RABGAP1L: variants seen among roughly 807,000 people sequenced by gnomAD.
The protein encoded by RABGAP1L is rab GTPase-activating protein 1-like.
RABGAP1L carries 63 observed loss-of-function variants against 137.7 expected under a neutral mutation model. The observed-to-expected ratio is 0.46, with a 90% CI of 0.37 to 0.56. The LOEUF is 0.56. Ranked by LOEUF, RABGAP1L falls within the 20% of genes least tolerant of loss-of-function variation. RABGAP1L has a pLI of 0.00. For missense variants in RABGAP1L, 1,095 were observed against 1,244.0 expected (o/e 0.88, Z 1.80); for synonymous variants, 431 against 433.7 (o/e 0.99, Z 0.08).
At chr1:174,331,674 TTTTTA>T (rs1280461100) in intron 11 of RABGAP1L, among the ~76,000 whole-genome samples, 2 of 152,200 alleles carry the variant, frequency 1.3e-5, no homozygotes, top group Non-Finnish European at 2.9e-5. Context: ...CTTTTTTTTC[TTTTTA>T]TTTTATTATT....
At chr1:174,239,814 T>G (rs1182281977) in intron 4 of RABGAP1L, among the ~76,000 whole-genome samples, 3 of 152,238 alleles carry the variant, frequency 2.0e-5, no homozygotes, top group African/African-American at 4.8e-5. Flanking sequence ...GCCTGGAATA[T>G]TCTCTGAAAG....
chr1:174,917,682 C>T (rs1323907320), intron 19 of RABGAP1L, among the ~76,000 whole-genome samples: 1 of 152,138 alleles, frequency 6.6e-6, no homozygotes, highest in Non-Finnish European at 1.5e-5. Context: ...CCTGTAACCC[C>T]AGCACTTTGG....
intron 11 of RABGAP1L, among the ~76,000 whole-genome samples, chr1:174,320,028 T>C (rs1163324154): frequency 2.0e-5 from 3 of 152,164 alleles, no homozygotes; most frequent in African/African-American, 7.2e-5. Context: ...GACATTTGAC[T>C]GATTTTTGTC....
intron 11 of RABGAP1L, among the ~76,000 whole-genome samples, chr1:174,350,240 C>G (rs1253268028): frequency 3.0e-3 from 380 of 128,140 alleles, no homozygotes; most frequent in South Asian, 7.3e-3. Flanking sequence ...CGGAGACGCT[C>G]CTCACTTCCC....
At chr1:174,772,384 C>T (rs1045726699) in intron 18 of RABGAP1L, among the ~76,000 whole-genome samples, 2 of 151,774 alleles carry the variant, frequency 1.3e-5, no homozygotes, top group Admixed American at 6.6e-5. Context: ...TCGAGATCAC[C>T]CTGGCCAACA....
chr1:174,835,163 G>T (rs1438324980), intron 19 of RABGAP1L, among the ~76,000 whole-genome samples: 1 of 152,172 alleles, frequency 6.6e-6, no homozygotes, highest in Non-Finnish European at 1.5e-5. Context: ...CTAAGCACCT[G>T]ACTTGAAAAA....
At chr1:174,195,828 T>G (rs1465905734) in intron 1 of RABGAP1L, among the ~76,000 whole-genome samples, 1 of 137,132 alleles carries the variant, frequency 7.3e-6, no homozygotes, top group Non-Finnish European at 1.6e-5. Flanking sequence ...TTTCTTTCTA[T>G]CCTTCTTCTT....
At chr1:174,799,574 A>G (rs1688538167) in intron 18 of RABGAP1L, among the ~76,000 whole-genome samples, 1 of 152,092 alleles carries the variant, frequency 6.6e-6, no homozygotes, top group African/African-American at 2.4e-5. Flanking sequence ...TCAACAGCAT[A>G]AGCTGTCAGA....
chr1:174,834,195 G>A (rs1692476497), intron 19 of RABGAP1L, among the ~76,000 whole-genome samples: 1 of 152,130 alleles, frequency 6.6e-6, no homozygotes, highest in Non-Finnish European at 1.5e-5. Flanking sequence ...GGGAGGCCAA[G>A]GCGGGAAGAT....
chr1:174,320,582 A>G (rs537758225), intron 11 of RABGAP1L, among the ~76,000 whole-genome samples: 2 of 152,330 alleles, frequency 1.3e-5, no homozygotes, highest in South Asian at 4.1e-4. Flanking sequence ...AGAAGAACAT[A>G]AATTGTGAAG....
intron 1 of RABGAP1L, among the ~76,000 whole-genome samples, chr1:174,198,396 A>C (rs901479153): frequency 2.0e-5 from 3 of 152,176 alleles, no homozygotes; most frequent in African/African-American, 7.2e-5. Flanking sequence ...ATGACTTTGC[A>C]GATTTGTGAT....
chr1:174,408,022 C>G (rs921623311), intron 13 of RABGAP1L, among the ~76,000 whole-genome samples: 1 of 152,168 alleles, frequency 6.6e-6, no homozygotes, highest in Admixed American at 6.5e-5. Flanking sequence ...CTACATTTAA[C>G]TTTATATAGT....
Position 174,731,192 on chromosome 1 carries a change from C to T in RABGAP1L, c.2170-21121C>T, listed in dbSNP as rs570949793. On this transcript the variant is annotated intron_variant, in intron 17 of 25. Transcript: ENST00000681986. Reference sequence around the variant, plus strand: ...TTCACCATGTTGGCCAGGCTGGTCTCGAACTCTGACCTCAAGAGATCTACC... The same window carrying T: ...TTCACCATGTTGGCCAGGCTGGTCTTGAACTCTGACCTCAAGAGATCTACC... Among the ~76,000 whole-genome samples, 8 of 151,668 alleles carry T rather than the reference C, an allele frequency of 5.3e-5. No homozygotes were observed. The East Asian group carries it at 1.2e-3, about 22-fold the overall frequency.
intron 7 of RABGAP1L, among the ~76,000 whole-genome samples, chr1:174,267,340 A>G (rs1674159578): frequency 6.6e-6 from 1 of 152,236 alleles, no homozygotes; most frequent in African/African-American, 2.4e-5. Flanking sequence ...TTTGAAGGAT[A>G]TGAATAGGAC....
At chr1:174,388,875 T>G (rs975677065) in intron 12 of RABGAP1L, among the ~76,000 whole-genome samples, 1 of 152,138 alleles carries the variant, frequency 6.6e-6, no homozygotes, top group Non-Finnish European at 1.5e-5. Context: ...CATTCTTTTT[T>G]ATTGAGTAAG....
In RABGAP1L at chr1:174,797,604, C is replaced by T. The variant is rs1344706384; in HGVS notation, c.2212-14228C>T. 5.2e-5 allele frequency among the ~76,000 whole-genome samples: 3 copies of T among 57,188 alleles called. 1 individual carries two copies. Among genetic ancestry groups the T allele is most frequent in the Non-Finnish European group, 3.2e-5 (1 of 31,090 alleles). The allele number at this position is 57,188 out of a possible 152,430, so 37.5% of individuals were successfully genotyped here. ...GGGGGTGTATGTGGTGGTGTGTGGGCGTGTAGTGTGGAGTGGGAGTGTGGG... is the reference window on the plus strand; with the variant it reads ...GGGGGTGTATGTGGTGGTGTGTGGGTGTGTAGTGTGGAGTGGGAGTGTGGG... On this transcript the variant is annotated intron_variant, in intron 18 of 25. Transcript: ENST00000681986.
intron 24 of RABGAP1L, among the ~76,000 whole-genome samples, chr1:174,988,082 T>TA (rs1671756286): frequency 6.6e-6 from 1 of 152,248 alleles, no homozygotes; most frequent in East Asian, 1.9e-4. Context: ...GTGCTGGGAT[T>TA]ACAGGCGTGA....
At chr1:174,841,749 C>T (rs1558136793) in intron 19 of RABGAP1L, among the ~76,000 whole-genome samples, 2 of 151,544 alleles carry the variant, frequency 1.3e-5, no homozygotes, top group South Asian at 4.2e-4. Context: ...CAATCCTGTG[C>T]AAATTAATTT....
At chr1:174,629,974 T>A (rs1317549225) in intron 13 of RABGAP1L, among the ~76,000 whole-genome samples, 1 of 152,006 alleles carries the variant, frequency 6.6e-6, no homozygotes, top group East Asian at 1.9e-4. Flanking sequence ...CTTGTGCCAG[T>A]TTTCAAAGGG....
Sources: allele counts gnomAD v4.1 joint callset (sites outside exome capture counted in the v4.1 genomes callset), GRCh38; gene constraint gnomAD v4.1.1; transcripts MANE v1.5; gene names NCBI Gene and HGNC (gene_info 2026-07-23, HGNC 2026-07-21).